Variants in KLHL22 observed in about 807,000 individuals in gnomAD.
The protein encoded by KLHL22 is kelch like family member 22.
Under a neutral mutation model 60.7 loss-of-function variants are expected in KLHL22, and 18 were observed. The observed-to-expected ratio is 0.30, with a 90% CI of 0.20 to 0.44. The LOEUF is 0.44. KLHL22 is among the 20% of genes least tolerant of loss of function. The pLI is 1.00. For missense variants in KLHL22, 596 were observed against 852.3 expected, an observed-to-expected ratio of 0.70 and a Z score of 3.74; for synonymous variants, 355 against 354.5, an observed-to-expected ratio of 1.00 and a Z score of -0.01.
intron 2 of KLHL22, among the ~76,000 whole-genome samples, chr22:20,476,371 C>T (rs1045196736): frequency 6.6e-6 from 1 of 151,632 alleles, no homozygotes; most frequent in East Asian, 1.9e-4. Flanking sequence ...CACTGCCCGC[C>T]CTGAGCAGGG....
At chr22:20,457,751 C>G in intron 5 of KLHL22, 57 bp downstream of exon 5, 1 of 1,403,542 alleles carries the variant, frequency 7.1e-7, no homozygotes, top group Non-Finnish European at 9.8e-7. Context: ...TCACTCTTTG[C>G]ACATCCTGGG....
chr22:20,475,644 C>G (rs1195231809), intron 2 of KLHL22, among the ~76,000 whole-genome samples: 2 of 152,022 alleles, frequency 1.3e-5, no homozygotes, highest in Non-Finnish European at 2.9e-5. Context: ...TCACCACAAC[C>G]TCCACTTCCC....
chr22:20,493,266 C>A (rs1270498318), intron 1 of KLHL22: 1 of 470,150 alleles, frequency 2.1e-6, no homozygotes, highest in Non-Finnish European at 4.4e-6. Context: ...CATGGGCAGG[C>A]AAAGCACATT....
At chr22:20,467,576 T>C (rs566582121) in intron 3 of KLHL22, among the ~76,000 whole-genome samples, 1 of 152,288 alleles carries the variant, frequency 6.6e-6, no homozygotes, top group African/African-American at 2.4e-5. Flanking sequence ...TCAGTTTCTC[T>C]AAAAATGGGA....
At position 20,471,416 on chromosome 22, in the gene KLHL22, G is replaced by A. The variant is rs943671448; in HGVS notation, c.327C>T (p.Tyr109=). The A allele has an allele frequency of 2.5e-6, 4 of 1,614,126 alleles. No homozygotes were observed. The highest frequency in any genetic ancestry group is 2.2e-5 in the South Asian group (2 of 91,078). The change falls in exon 3 of 7, where the codon TAC becomes TAT. Residue 109 remains tyrosine (Y), a synonymous_variant. Transcript: ENST00000328879. ...NAMCQILHFI[Y]TSELELSLSN... is the part of the protein sequence containing the mutation. ...TCAGGCTGAGCTCCAGCTCGGAGGT[G>A]TATATGAAATGTAGGATTTGGCACA...
intron 4 of KLHL22, among the ~76,000 whole-genome samples, chr22:20,463,439 A>T (rs1018144206): frequency 2.0e-5 from 3 of 152,218 alleles, no homozygotes; most frequent in African/African-American, 7.2e-5. Flanking sequence ...TCACCCCCCT[A>T]GGGACAGCTC....
At position 20,446,446 on chromosome 22, in the gene KLHL22, G is replaced by A. The variant is rs1401049497; in HGVS notation, c.1536C>T (p.His512=). 5.0e-6 allele frequency: 8 copies of A among 1,595,662 alleles called. No homozygotes were observed. In the African/African-American group the frequency reaches 1.1e-4, roughly 21 times the overall value. The stretch of plus-strand genomic sequence containing the variant: ...GACTGCCCCGGGCCCCACTCACCTG[G>A]TGCACGTCCCTCCTGTATCCGGCAT... ...NNDAGYRRDV[H]QVACYSCTSG... Residue 512 remains histidine, a synonymous_variant, in exon 6 of 7, where the codon CAC becomes CAT. Transcript: ENST00000328879.
chr22:20,472,282 AG>A, intron 2 of KLHL22, among the ~76,000 whole-genome samples: 1 of 151,784 alleles, frequency 6.6e-6, no homozygotes. Flanking sequence ...GAGCAAAAGG[AG>A]TTATAGTGAA....
chr22:20,441,904 G>T lies in KLHL22; in HGVS notation c.*169C>A. 1 of 579,892 alleles carries T rather than the reference G, an allele frequency of 1.7e-6. No individual in the cohort carries two copies. Among genetic ancestry groups the T allele is most frequent in the Non-Finnish European group, 2.8e-6 (1 of 358,888 alleles). The allele number at this position is 579,892 out of a possible 1,614,324, so 35.9% of individuals were successfully genotyped here. On this transcript the variant is annotated 3_prime_UTR_variant, in exon 7 of 7. Coordinates refer to ENST00000328879, the MANE Select transcript of KLHL22 (RefSeq NM_032775.4). ...GGATCTGCATGGCCCTGAGATGCCT[G>T]CGGCAGGCTGGCCAAGGGGCTGGTG...
chr22:20,463,163 T>C (rs2053181534), intron 4 of KLHL22, among the ~76,000 whole-genome samples: 1 of 152,216 alleles, frequency 6.6e-6, no homozygotes, highest in Non-Finnish European at 1.5e-5. Context: ...AGTAGGGCTG[T>C]GGTCCTTCCT....
Position 20,446,784 on chromosome 22 carries a change from G to A in KLHL22, c.1306-108C>T, listed in dbSNP as rs532043288. 1,211 of 784,774 alleles carry A rather than the reference G, an allele frequency of 1.5e-3. 9 individuals carry two copies. In the Middle Eastern group the frequency reaches 0.015, roughly 10 times the overall value. 48.6% of individuals were successfully genotyped at this position (784,774 alleles called of 1,614,324 possible). On this transcript the variant is annotated intron_variant, in intron 5 of 6. Coordinates refer to ENST00000328879, the MANE Select transcript of KLHL22 (RefSeq NM_032775.4). ...CCACACCTGCCTGACAACGCTGTGA[G>A]GCTTCACCACTTCCCACTCACATAC...
chr22:20,465,431 A>G lies in KLHL22; in HGVS notation c.539T>C (p.Val180Ala). 6.2e-7 allele frequency: 1 copy of G among 1,614,166 alleles called. No individual in the cohort carries two copies. Among genetic ancestry groups the G allele is most frequent in the Non-Finnish European group, 8.5e-7 (1 of 1,179,998 alleles). Reference protein sequence around the residue: ...QLDTYILKNFVAFSRTDKYRQ... With the variant: ...QLDTYILKNFAAFSRTDKYRQ... ...GTACTTGTCAGTCCGAGAGAAGGCC[A>G]CAAAGTTTTTGAGGATATAGGTGTC... Residue 180 changes from valine (V) to alanine (A), a missense_variant, in exon 4 of 7, where the codon GTG becomes GCG. Coordinates refer to ENST00000328879, the MANE Select transcript of KLHL22 (RefSeq NM_032775.4). The surrounding 1 kb of genome is among the most constrained non-coding windows in gnomAD (Gnocchi z 4.9).
intron 3 of KLHL22, 136 bp downstream of exon 3, chr22:20,471,214 G>A (rs2053321561): frequency 3.9e-6 from 3 of 777,688 alleles, no homozygotes; most frequent in Non-Finnish European, 6.1e-6. Flanking sequence ...CCCACTTCAT[G>A]GCCTTCGTCA....
chr22:20,489,268 CA>C lies in KLHL22; in HGVS notation c.-33-25del, dbSNP rs557343588. On this transcript the variant is annotated intron_variant, in intron 1 of 6. Transcript: ENST00000328879. ...GCCTGACAGTTGGCAAAACAGGGGA[CA>C]GGGGTGAGCAGGCAGGCATCAGCCC... 242 of 1,559,204 alleles carry C rather than the reference CA, an allele frequency of 1.6e-4. 1 individual carries two copies. The African/African-American group carries it at 2.2e-3, about 14-fold the overall frequency.
chr22:20,485,605 C>T (rs946502155), intron 2 of KLHL22, among the ~76,000 whole-genome samples: 1 of 152,218 alleles, frequency 6.6e-6, no homozygotes, highest in Non-Finnish European at 1.5e-5. Context: ...TGGTGGCTCA[C>T]GTCTGTAATC....
chr22:20,449,227 A>AT (rs1466430531), intron 5 of KLHL22, among the ~76,000 whole-genome samples: 1 of 151,086 alleles, frequency 6.6e-6, no homozygotes, highest in Non-Finnish European at 1.5e-5. Context: ...CATCCAGCTA[A>AT]TTTTTTGTAT....
Position 20,465,025 on chromosome 22 carries a change from G to T in KLHL22, c.945C>A (p.Ser315Arg), listed in dbSNP as rs749682717. Residue 315 changes from serine to arginine, a missense_variant, in exon 4 of 7, where the codon AGC becomes AGA. Transcript: ENST00000328879. This position sits in a 1 kb window ranked among gnomAD's most constrained non-coding sequence, Gnocchi z 4.9. ...AGGGGTTTAGATACTTGGCCTGGTC[G>T]CTGAGGACAGTGGACGGCGTGGAGT... ...GIHSTPSTVL[S>R]DQAKYLNPLL... The T allele has an allele frequency of 6.2e-7, 1 of 1,611,428 alleles. No individual in the cohort carries two copies. The highest frequency in any genetic ancestry group is 8.5e-7 in the Non-Finnish European group (1 of 1,178,670).
intron 6 of KLHL22, 127 bp downstream of exon 6, chr22:20,446,316 G>A (rs1304133962): frequency 4.4e-6 from 3 of 679,512 alleles, no homozygotes; most frequent in Admixed American, 2.2e-5. Flanking sequence ...ATTTTGCTGT[G>A]AACCTAAAAC....
chr22:20,466,593 G>C (rs2053240953), intron 3 of KLHL22, among the ~76,000 whole-genome samples: 1 of 152,108 alleles, frequency 6.6e-6, no homozygotes, highest in Admixed American at 6.6e-5. Flanking sequence ...TGGTTCCCTA[G>C]AAGTGCTCAG....
Sources: gnomAD v4.1 joint callset for allele counts (sites outside exome capture counted in the v4.1 genomes callset) on GRCh38, gnomAD v4.1.1 for gene constraint, Gnocchi (gnomAD v3.1) non-coding constraint, MANE v1.5 for transcripts, NCBI Gene and HGNC (gene_info 2026-07-23, HGNC 2026-07-21) for gene names.